IQCE: variants seen among roughly 807,000 people sequenced by gnomAD.
IQCE encodes IQ motif containing E.
A neutral mutation model predicts 96.0 loss-of-function variants in IQCE; 115 were observed. The ratio of observed to expected loss-of-function variants is 1.20; its 90% CI spans 1.03 to 1.40. The LOEUF (loss-of-function observed/expected upper bound fraction) is 1.40. IQCE is among the 40% of genes most tolerant of loss of function. The probability of loss-of-function intolerance (pLI) is 0.00; values close to 1 mark genes in which losing one functional copy is unlikely to be tolerated. For missense variants in IQCE, 1,041 were observed against 909.1 expected, an observed-to-expected ratio of 1.15 and a Z score of -1.87; for synonymous variants, 412 against 371.2, an observed-to-expected ratio of 1.11 and a Z score of -1.26.
chr7:2,575,493 G>C (rs1415626123), intron 6 of IQCE, among the ~76,000 whole-genome samples: 1 of 152,254 alleles, frequency 6.6e-6, no homozygotes, highest in Admixed American at 6.5e-5. Context: ...TTGCCGCCAG[G>C]TAATGATGGT....
At chr7:2,568,118 C>A (rs1374246157) in intron 2 of IQCE, among the ~76,000 whole-genome samples, 1 of 152,168 alleles carries the variant, frequency 6.6e-6, no homozygotes, top group Non-Finnish European at 1.5e-5. Flanking sequence ...TTGTGTGTCT[C>A]TAATGCAAAA....
chr7:2,573,586 G>T (rs544946234), intron 6 of IQCE, 98 bp downstream of exon 6: 227 of 668,976 alleles, frequency 3.4e-4, no homozygotes, highest in Admixed American at 2.0e-3. Flanking sequence ...GTGCCCAGAT[G>T]GGAAGAGCGG....
intron 4 of IQCE, 149 bp from the exon 5 acceptor site, chr7:2,572,043 G>A (rs768838628): frequency 2.6e-6 from 2 of 771,590 alleles, no homozygotes; most frequent in Non-Finnish European, 4.3e-6. Flanking sequence ...TTTGGGAGCT[G>A]GTTGGTTAAC....
chr7:2,582,427 C>T (rs1016568432), intron 8 of IQCE, among the ~76,000 whole-genome samples, 153 bp from the exon 9 acceptor site: 1 of 152,176 alleles, frequency 6.6e-6, no homozygotes, highest in African/African-American at 2.4e-5. Context: ...CAGTGGGGCC[C>T]TCCCTCTTCC....
Position 2,584,144 on chromosome 7 carries a change from GC to G in IQCE, c.775-91del, listed in dbSNP as rs1475437958. On this transcript the variant is annotated intron_variant, in intron 10 of 21. Transcript: ENST00000402050. ...ACTTAGTTCCCGCTTCTGGCCGTAG[GC>G]AGCGGTCAGGACTGTGATGTTGGTC... 9.0e-6 allele frequency: 10 copies of G among 1,108,524 alleles called. No individual in the cohort carries two copies. The African/African-American group carries it at 1.4e-4, about 15-fold the overall frequency. The allele number at this position is 1,108,524 out of a possible 1,614,324, so 68.7% of individuals were successfully genotyped here.
At chr7:2,595,563 C>T (rs1291553634) in intron 16 of IQCE, among the ~76,000 whole-genome samples, 2 of 152,218 alleles carry the variant, frequency 1.3e-5, no homozygotes, top group South Asian at 2.1e-4. Flanking sequence ...TGGACGCTAC[C>T]CGGGGGCAGC....
Position 2,584,365 on chromosome 7 carries a change from C to T in IQCE, c.824+80C>T, listed in dbSNP as rs914601480. 15 of 1,337,206 alleles carry T rather than the reference C, an allele frequency of 1.1e-5. No homozygotes were observed. The African/African-American group carries it at 1.2e-4, about 10-fold the overall frequency. 82.8% of individuals were successfully genotyped at this position (1,337,206 alleles called of 1,614,324 possible). ...CTCCTCTGAGAATGTGTGGCTGTCA[C>T]GTGGGTGCGGCATATACTGCCCTTA... On this transcript the variant is annotated intron_variant, in intron 11 of 21. Coordinates refer to ENST00000402050, the MANE Select transcript of IQCE (RefSeq NM_152558.5).
In IQCE at chr7:2,559,172, C is replaced by T; in HGVS notation, c.-10C>T. The T allele has an allele frequency of 1.6e-6, 2 of 1,215,176 alleles. No homozygotes were observed. The highest frequency in any genetic ancestry group is 1.6e-5 in the African/African-American group (1 of 63,604). The allele number at this position is 1,215,176 out of a possible 1,614,324, so 75.3% of individuals were successfully genotyped here. A position where few individuals can be genotyped will look rare whatever the true frequency, so the allele number is the denominator to read the frequency against. ...GCAACCCTGAGGGGCGGCCGGGCAG[C>T]GCCGCCACCATGTTCCTGGGCACCG... On this transcript the variant is annotated 5_prime_UTR_variant, in exon 1 of 22. Coordinates refer to ENST00000402050, the MANE Select transcript of IQCE (RefSeq NM_152558.5).
At chr7:2,560,015 C>T (rs1413617191) in intron 1 of IQCE, among the ~76,000 whole-genome samples, 2 of 152,158 alleles carry the variant, frequency 1.3e-5, no homozygotes, top group Non-Finnish European at 2.9e-5. Context: ...TCACATTAGC[C>T]GAGCTGTGGT....
intron 9 of IQCE, among the ~76,000 whole-genome samples, chr7:2,583,276 A>G (rs749925304): frequency 6.6e-5 from 10 of 152,206 alleles, no homozygotes; most frequent in Non-Finnish European, 8.8e-5. Context: ...TTACAAAACC[A>G]TCCATTCAAA....
At chr7:2,595,033 C>G in intron 16 of IQCE, 57 bp downstream of exon 16, 1 of 1,207,816 alleles carries the variant, frequency 8.3e-7, no homozygotes, top group Non-Finnish European at 1.2e-6. Context: ...TTGGTCGTGA[C>G]GGTTCTGACC....
chr7:2,564,039 C>T (rs146801300), intron 1 of IQCE, among the ~76,000 whole-genome samples: 1,644 of 151,278 alleles, frequency 0.011, 30 homozygotes, highest in African/African-American at 0.037. Context: ...GAAACCCTGT[C>T]TCCACTAAAA....
At chr7:2,598,439 C>A in intron 16 of IQCE, 26 bp from the exon 17 acceptor site, 2 of 1,547,282 alleles carry the variant, frequency 1.3e-6, no homozygotes, top group South Asian at 1.2e-5. Flanking sequence ...GCTTCATTGT[C>A]CTCTTACTCC....
intron 17 of IQCE, among the ~76,000 whole-genome samples, chr7:2,599,387 G>A (rs973157422): frequency 6.6e-6 from 1 of 152,092 alleles, no homozygotes; most frequent in Non-Finnish European, 1.5e-5. Context: ...GTAGAGACAG[G>A]ATTTCACCTT....
At chr7:2,559,280 G>T in intron 1 of IQCE, 63 bp downstream of exon 1, 1 of 1,051,300 alleles carries the variant, frequency 9.5e-7, no homozygotes, top group South Asian at 4.7e-5. Flanking sequence ...CGTCTCCGTC[G>T]CCCGCAGCCT....
chr7:2,593,238 C>G, intron 15 of IQCE, 112 bp downstream of exon 15: 1 of 1,430,986 alleles, frequency 7.0e-7, no homozygotes. Context: ...CTTAGAAAGG[C>G]CACACCTCCT....
At chr7:2,592,828 G>T (rs544846349) in intron 14 of IQCE, among the ~76,000 whole-genome samples, 194 bp from the exon 15 acceptor site, 15 of 152,354 alleles carry the variant, frequency 9.8e-5, no homozygotes, top group Admixed American at 3.3e-4. Context: ...CAGGTGCTCG[G>T]TTCAGGGCAG....
intron 1 of IQCE, among the ~76,000 whole-genome samples, chr7:2,565,853 G>A (rs969658337): frequency 6.6e-6 from 1 of 152,088 alleles, no homozygotes; most frequent in African/African-American, 2.4e-5. Flanking sequence ...CCATTTATTT[G>A]GAATGCACCG....
At chr7:2,578,421 C>G in intron 7 of IQCE, 55 bp from the exon 8 acceptor site, 1 of 1,599,274 alleles carries the variant, frequency 6.3e-7, no homozygotes, top group South Asian at 1.1e-5. Flanking sequence ...TGCCAGCCAG[C>G]CCTGCTGGGG....
Sources: allele counts gnomAD v4.1 joint callset (sites outside exome capture counted in the v4.1 genomes callset), GRCh38; gene constraint gnomAD v4.1.1; transcripts MANE v1.5; gene names NCBI Gene and HGNC (gene_info 2026-07-23, HGNC 2026-07-21).